The following ANO4 variants were observed in gnomAD, a reference collection of about 807,000 sequenced individuals.
The protein encoded by ANO4 is anoctamin 4, also known as anoctamin-4.
In ANO4, 69 loss-of-function variants were observed where a neutral mutation model predicts 141.9. The observed-to-expected ratio is 0.49, with a 90% CI of 0.40 to 0.59. The LOEUF is 0.59. ANO4 is among the 20% of genes least tolerant of loss of function. ANO4 has a pLI of 0.00. For synonymous variants in ANO4, 350 were observed against 394.3 expected (o/e 0.89, Z 1.33); for missense variants, 894 against 1,162.2 (o/e 0.77, Z 3.36).
intron 3 of ANO4, among the ~76,000 whole-genome samples, chr12:100,755,753 G>A (rs2032580974): frequency 6.6e-6 from 1 of 152,138 alleles, no homozygotes. Context: ...TTTCTTGGCA[G>A]TTTGAGCACT....
intron 9 of ANO4, among the ~76,000 whole-genome samples, chr12:101,022,752 T>G (rs936232487): frequency 2.6e-5 from 4 of 152,218 alleles, no homozygotes; most frequent in Non-Finnish European, 4.4e-5. Context: ...CTCTTTTTTT[T>G]TTGTTGAGAC....
At chr12:101,110,288 G>A (rs2050612924) in intron 22 of ANO4, 116 bp from the exon 23 acceptor site, 7 of 1,071,870 alleles carry the variant, frequency 6.5e-6, no homozygotes, top group Admixed American at 3.2e-5. Context: ...TATCCCCTGT[G>A]CGTCTGTATT....
intron 1 of ANO4, among the ~76,000 whole-genome samples, chr12:100,717,736 G>A (rs571894078): frequency 1.3e-3 from 204 of 152,360 alleles, no homozygotes; most frequent in African/African-American, 4.6e-3. Flanking sequence ...CGGGTAACCC[G>A]GGAACCGGGT....
chr12:100,880,646 A>G (rs977256599), intron 1 of ANO4, among the ~76,000 whole-genome samples: 8 of 152,154 alleles, frequency 5.3e-5, no homozygotes, highest in African/African-American at 1.9e-4. Flanking sequence ...TCTGCCTTTC[A>G]TATGTTTTTT....
At chr12:101,071,910 A>G (rs1350611848) in intron 14 of ANO4, among the ~76,000 whole-genome samples, 2 of 152,198 alleles carry the variant, frequency 1.3e-5, no homozygotes, top group African/African-American at 4.8e-5. Flanking sequence ...TAAGCTATGC[A>G]TCTGAAAGGG....
chr12:100,799,419 G>T (rs1168312764), intron 1 of ANO4, among the ~76,000 whole-genome samples: 1 of 152,048 alleles, frequency 6.6e-6, no homozygotes, highest in African/African-American at 2.4e-5. Context: ...GCTTATCCTG[G>T]CACATTTTGG....
chr12:100,864,283 T>A (rs1480558698), intron 1 of ANO4, among the ~76,000 whole-genome samples: 2 of 152,152 alleles, frequency 1.3e-5, no homozygotes, highest in East Asian at 1.9e-4. Context: ...TGGAGCTGGG[T>A]ATGGGGTAGG....
intron 1 of ANO4, among the ~76,000 whole-genome samples, chr12:100,803,818 A>G (rs2034835213): frequency 6.6e-6 from 1 of 152,194 alleles, no homozygotes; most frequent in Non-Finnish European, 1.5e-5. Context: ...CCCTTAGCAC[A>G]GTGCCTGCAA....
intron 1 of ANO4, among the ~76,000 whole-genome samples, chr12:100,901,392 G>A (rs1017778733): frequency 9.9e-5 from 15 of 152,192 alleles, no homozygotes; most frequent in African/African-American, 3.6e-4. Context: ...TTTGGCAACA[G>A]CATGTCAAAT....
At chr12:100,857,474 A>G (rs556436302) in intron 1 of ANO4, among the ~76,000 whole-genome samples, 2 of 152,240 alleles carry the variant, frequency 1.3e-5, no homozygotes, top group South Asian at 4.2e-4. Flanking sequence ...ACTCAAGGAA[A>G]CAAAGGCACA....
upstream of ANO4, among the ~76,000 whole-genome samples, chr12:100,790,285 G>A (rs2034002754): frequency 6.6e-6 from 1 of 152,194 alleles, no homozygotes; most frequent in South Asian, 2.1e-4. Context: ...TATTTGGCCT[G>A]ATCATCCCAG....
chr12:100,776,233 C>T (rs1460068798), intron 3 of ANO4, among the ~76,000 whole-genome samples: 1 of 152,294 alleles, frequency 6.6e-6, no homozygotes, highest in South Asian at 2.1e-4. Flanking sequence ...TGGCTTCACG[C>T]TTGCTCTGGG....
At chr12:100,917,111 G>A (rs928300629) in intron 2 of ANO4, among the ~76,000 whole-genome samples, 18 of 152,174 alleles carry the variant, frequency 1.2e-4, no homozygotes, top group Non-Finnish European at 1.5e-4. Context: ...TAAGTATTGA[G>A]TATAACTTCT....
At chr12:100,898,426 T>C (rs1279771432) in intron 1 of ANO4, among the ~76,000 whole-genome samples, 2 of 152,200 alleles carry the variant, frequency 1.3e-5, no homozygotes, top group Non-Finnish European at 2.9e-5. Context: ...CCTTTATCTG[T>C]ACTTTGAGGA....
At chr12:100,814,783 G>A (rs1310383155) in intron 1 of ANO4, among the ~76,000 whole-genome samples, 1 of 152,090 alleles carries the variant, frequency 6.6e-6, no homozygotes, top group Non-Finnish European at 1.5e-5. Flanking sequence ...TGGGAGAAGG[G>A]TACTCCATCT....
At chr12:100,818,741 C>T (rs965675790) in intron 1 of ANO4, among the ~76,000 whole-genome samples, 1 of 151,794 alleles carries the variant, frequency 6.6e-6, no homozygotes, top group Non-Finnish European at 1.5e-5. Flanking sequence ...CTCAACAAAT[C>T]GTGATTTTGC....
intron 5 of ANO4, among the ~76,000 whole-genome samples, chr12:100,959,487 C>G (rs976562505): frequency 6.6e-6 from 1 of 152,186 alleles, no homozygotes; most frequent in African/African-American, 2.4e-5. Flanking sequence ...TGTCTAGTGT[C>G]CTGTCTCCAT....
chr12:100,804,390 T>G (rs1161336253), intron 1 of ANO4, among the ~76,000 whole-genome samples: 2 of 152,250 alleles, frequency 1.3e-5, no homozygotes, highest in Admixed American at 6.5e-5. Flanking sequence ...TTTGCTATTG[T>G]GAACAGTGCT....
At chr12:101,028,724 C>T (rs779355186) in intron 9 of ANO4, among the ~76,000 whole-genome samples, 10 of 152,020 alleles carry the variant, frequency 6.6e-5, no homozygotes, top group African/African-American at 1.2e-4. Flanking sequence ...CTGAAGCAGA[C>T]GTGAAGAATG....
Sources: allele counts gnomAD v4.1 joint callset (sites outside exome capture counted in the v4.1 genomes callset), GRCh38; gene constraint gnomAD v4.1.1; transcripts MANE v1.5; gene names NCBI Gene and HGNC (gene_info 2026-07-23, HGNC 2026-07-21).